Variants in CAMK2A observed in about 807,000 individuals in gnomAD.
CAMK2A encodes calcium/calmodulin-dependent protein kinase type II subunit alpha.
In CAMK2A, 7 loss-of-function variants were observed where a neutral mutation model predicts 79.2. The ratio of observed to expected loss-of-function variants is 0.09; its 90% CI spans 0.05 to 0.17. CAMK2A has a LOEUF of 0.17. Among genes scored for constraint, CAMK2A ranks in the 10% least tolerant of loss-of-function variants. The pLI is 1.00. For missense variants in CAMK2A, 214 were observed against 646.4 expected (o/e 0.33, Z 7.25); for synonymous variants, 242 against 251.7 (o/e 0.96, Z 0.36).
rs780850717 is a variant in CAMK2A, at chr5:150,245,234, G to A, written c.944-33C>T. 24 of 1,608,124 alleles carry A rather than the reference G, an allele frequency of 1.5e-5. No homozygotes were observed. The East Asian group carries it at 2.2e-4, about 15-fold the overall frequency. On this transcript the variant is annotated intron_variant, in intron 12 of 18. Transcript: ENST00000671881. ...GGAGAAAAAGTAGAGGGTTAACAAC[G>A]CCAGGCAGGGCACCAGGGCCCACAG...
chr5:150,222,767 A>G, intron 18 of CAMK2A, 54 bp from the exon 19 acceptor site: 1 of 1,608,228 alleles, frequency 6.2e-7, no homozygotes, highest in Non-Finnish European at 8.5e-7. Context: ...TGCTTGGGCA[A>G]CCCACCCACC....
rs1398540970 is a variant in CAMK2A, at chr5:150,289,679, G to A, written c.-54C>T. 26 of 1,443,508 alleles carry A rather than the reference G, an allele frequency of 1.8e-5. No homozygotes were observed. Among genetic ancestry groups the A allele is most frequent in the Admixed American group, 3.4e-5 (2 of 58,944 alleles). The allele number at this position is 1,443,508 out of a possible 1,614,324, so 89.4% of individuals were successfully genotyped here. On this transcript the variant is annotated 5_prime_UTR_variant, in exon 1 of 19. Transcript: ENST00000671881. ...GGGACTGGGGGACCAGGACTGAGGC[G>A]CTGCTGCTCTGCTCCCGAACCTAGG...
At chr5:150,237,945 C>CT (rs11480720) in intron 15 of CAMK2A, among the ~76,000 whole-genome samples, 6,917 of 152,204 alleles carry the variant, frequency 0.045, 320 homozygotes, top group East Asian at 0.13. Flanking sequence ...TTTGGTGGGT[C>CT]TTAGGCAGTG....
chr5:150,279,264 A>C (rs1453993197), intron 1 of CAMK2A, among the ~76,000 whole-genome samples: 1 of 152,218 alleles, frequency 6.6e-6, no homozygotes, highest in African/African-American at 2.4e-5. Context: ...AAATAACTAT[A>C]TGTGGCTAAT....
intron 1 of CAMK2A, among the ~76,000 whole-genome samples, chr5:150,286,903 G>A (rs1190646755): frequency 6.6e-6 from 1 of 152,258 alleles, no homozygotes; most frequent in East Asian, 1.9e-4. Flanking sequence ...GGCCTGTCAT[G>A]TGCCAGGCTC....
chr5:150,242,107 A>G (rs1755372654), intron 13 of CAMK2A, among the ~76,000 whole-genome samples: 2 of 152,154 alleles, frequency 1.3e-5, no homozygotes, highest in African/African-American at 2.4e-5. Context: ...GAGGGGAATG[A>G]GCAGTCGGCC....
intron 1 of CAMK2A, among the ~76,000 whole-genome samples, chr5:150,280,805 G>A (rs1757182162): frequency 6.6e-6 from 1 of 152,018 alleles, no homozygotes; most frequent in African/African-American, 2.4e-5. Context: ...CAGTGCCTTT[G>A]CTGCCCCACC....
intron 1 of CAMK2A, among the ~76,000 whole-genome samples, chr5:150,279,010 AC>A (rs1159793721): frequency 6.6e-6 from 1 of 152,126 alleles, no homozygotes; most frequent in African/African-American, 2.4e-5. Flanking sequence ...TTGGGCAAGA[AC>A]CAGCCCCAGT....
At chr5:150,269,287 G>A (rs72805905) in intron 2 of CAMK2A, among the ~76,000 whole-genome samples, 11,765 of 152,248 alleles carry the variant, frequency 0.077, 639 homozygotes, top group South Asian at 0.12. Flanking sequence ...GCAAGGCTCA[G>A]CAGAGCTCAG....
intron 16 of CAMK2A, among the ~76,000 whole-genome samples, chr5:150,228,688 T>G (rs1282749484): frequency 6.6e-6 from 1 of 152,144 alleles, no homozygotes; most frequent in Non-Finnish European, 1.5e-5. Flanking sequence ...TTTTTCTAAT[T>G]TGTCTTCCTG....
At chr5:150,286,921 C>T (rs959221859) in intron 1 of CAMK2A, among the ~76,000 whole-genome samples, 1 of 152,244 alleles carries the variant, frequency 6.6e-6, no homozygotes, top group African/African-American at 2.4e-5. Flanking sequence ...CTCGAGGCTG[C>T]ATCTCTACAT....
chr5:150,225,043 A>AGAGG (rs766612510), intron 17 of CAMK2A, among the ~76,000 whole-genome samples: 19 of 116,236 alleles, frequency 1.6e-4, no homozygotes, highest in African/African-American at 1.2e-3. Context: ...GTAGGTAGGG[A>AGAGG]GAGAGAGAGA....
rs368023327 is a variant in CAMK2A, at chr5:150,251,750, A to G, written c.693T>C (p.Asp231=). The G allele has an allele frequency of 3.7e-6, 6 of 1,600,116 alleles. No individual in the cohort carries two copies. Among genetic ancestry groups the G allele is most frequent in the Admixed American group, 3.5e-5 (2 of 57,488 alleles). ...AGCTGAAGAGAGGAGCGACACTCAC[A>G]TCATAGGCGCCGGCTTTGATCTGCT... is the stretch of plus-strand genomic sequence containing the variant. ...LYQQIKAGAY[D]FPSPEWDTVT... is the part of the protein sequence containing the mutation. The change falls in exon 9 of 19, where the codon GAT becomes GAC. Residue 231 remains aspartate (D), a splice_region_variant and synonymous_variant. Coordinates refer to ENST00000671881, the MANE Select transcript of CAMK2A (RefSeq NM_015981.4).
At chr5:150,243,880 C>G (rs1755450486) in intron 13 of CAMK2A, among the ~76,000 whole-genome samples, 1 of 152,158 alleles carries the variant, frequency 6.6e-6, no homozygotes, top group Non-Finnish European at 1.5e-5. Context: ...CATGATCATG[C>G]TCTGGTTGAA....
chr5:150,237,547 C>G (rs1359226839), intron 15 of CAMK2A, among the ~76,000 whole-genome samples: 1 of 152,124 alleles, frequency 6.6e-6, no homozygotes, highest in African/African-American at 2.4e-5. Context: ...AAGGGCACTT[C>G]CCACCACCGA....
intron 17 of CAMK2A, among the ~76,000 whole-genome samples, chr5:150,226,470 C>G (rs951421476): frequency 6.6e-5 from 10 of 152,082 alleles, no homozygotes; most frequent in Non-Finnish European, 1.3e-4. Flanking sequence ...GGCTTGGTGG[C>G]TAACACCTGT....
Position 150,284,828 on chromosome 5 carries a change from A to T in CAMK2A, c.62+4736T>A, listed in dbSNP as rs1757358584. On this transcript the variant is annotated intron_variant, in intron 1 of 18. Coordinates refer to ENST00000671881, the MANE Select transcript of CAMK2A (RefSeq NM_015981.4). The surrounding 1 kb of genome is among the most constrained non-coding windows in gnomAD (Gnocchi z 5.3). ...AGACCAAGGCAAGGACCATCTATGC[A>T]ATGAGCAGAGCATCTCCATGGTCCT... is the stretch of plus-strand genomic sequence containing the variant. Among the ~76,000 whole-genome samples, 1 of 152,198 alleles carries T rather than the reference A, an allele frequency of 6.6e-6. No homozygotes were observed. The highest frequency in any genetic ancestry group is 2.1e-4 in the South Asian group (1 of 4,820).
rs1191463712 is a variant in CAMK2A at position 150,284,984 on chromosome 5, T to C, written c.62+4580A>G. Reference sequence around the variant, plus strand: ...GGTATTATGATCCCCATTTTACAGATGGTAAAGCCGAGGCACACAAACAGC... The same window carrying C: ...GGTATTATGATCCCCATTTTACAGACGGTAAAGCCGAGGCACACAAACAGC... On this transcript the variant is annotated intron_variant, in intron 1 of 18. Transcript: ENST00000671881. The surrounding 1 kb of genome is among the most constrained non-coding windows in gnomAD (Gnocchi z 5.3). 6.6e-6 allele frequency among the ~76,000 whole-genome samples: 1 copy of C among 152,006 alleles called. No individual in the cohort carries two copies. Among genetic ancestry groups the C allele is most frequent in the Non-Finnish European group, 1.5e-5 (1 of 68,012 alleles).
At chr5:150,263,284 G>C (rs1447630491) in intron 3 of CAMK2A, among the ~76,000 whole-genome samples, 5 of 152,102 alleles carry the variant, frequency 3.3e-5, no homozygotes, top group Admixed American at 6.5e-5. Context: ...AGGGAGGTGT[G>C]AACATGAGGA....
Sources: gnomAD v4.1 joint callset for allele counts (sites outside exome capture counted in the v4.1 genomes callset) on GRCh38, gnomAD v4.1.1 for gene constraint, Gnocchi (gnomAD v3.1) non-coding constraint, MANE v1.5 for transcripts, NCBI Gene and HGNC (gene_info 2026-07-23, HGNC 2026-07-21) for gene names.